The following GRIP1 variants were observed in gnomAD, a reference collection of about 807,000 sequenced individuals.
The protein encoded by GRIP1 is glutamate receptor interacting protein 1.
GRIP1 carries 45 observed loss-of-function variants against 129.9 expected under a neutral mutation model. The ratio of observed to expected loss-of-function variants is 0.35; its 90% CI spans 0.27 to 0.44. The LOEUF is 0.44. GRIP1 is among the 20% of genes least tolerant of loss of function. GRIP1 has a pLI of 1.00. For synonymous variants in GRIP1, 530 were observed against 520.8 expected (o/e 1.02, Z -0.24); for missense variants, 1,196 against 1,396.8 (o/e 0.86, Z 2.29).
intron 1 of GRIP1, among the ~76,000 whole-genome samples, chr12:66,843,547 C>T (rs1364438826): frequency 1.3e-5 from 2 of 152,084 alleles, no homozygotes; most frequent in Non-Finnish European, 1.5e-5. Flanking sequence ...CTCACACTTT[C>T]CAGTTTCAAA....
At chr12:67,043,340 A>G (rs1565652813) in intron 1 of GRIP1, among the ~76,000 whole-genome samples, 1 of 152,186 alleles carries the variant, frequency 6.6e-6, no homozygotes, top group Non-Finnish European at 1.5e-5. Flanking sequence ...CTTGGGAAGG[A>G]TCTGAAAGTC....
chr12:66,616,494 G>GT (rs1468028718), intron 1 of GRIP1, among the ~76,000 whole-genome samples: 4 of 152,056 alleles, frequency 2.6e-5, no homozygotes, highest in African/African-American at 9.7e-5. Flanking sequence ...GCAAATAATG[G>GT]TAACAGTCTA....
chr12:66,911,582 C>A (rs971496981), intron 1 of GRIP1, among the ~76,000 whole-genome samples: 17 of 152,036 alleles, frequency 1.1e-4, no homozygotes, highest in African/African-American at 4.1e-4. Flanking sequence ...TATGTGAGAG[C>A]TTTATTTGGG....
intron 1 of GRIP1, among the ~76,000 whole-genome samples, chr12:66,649,513 T>C (rs1592699933): frequency 6.6e-6 from 1 of 152,210 alleles, no homozygotes; most frequent in Admixed American, 6.5e-5. Flanking sequence ...GAGCACCGTA[T>C]AGGGATACAA....
chr12:66,686,417 C>T (rs1420418610), intron 1 of GRIP1, among the ~76,000 whole-genome samples: 1 of 152,210 alleles, frequency 6.6e-6, no homozygotes, highest in Non-Finnish European at 1.5e-5. Context: ...TCTGGTCTAA[C>T]ATGCATAATT....
intron 1 of GRIP1, among the ~76,000 whole-genome samples, chr12:67,030,628 G>A (rs1197839751): frequency 6.6e-6 from 1 of 152,108 alleles, no homozygotes; most frequent in Non-Finnish European, 1.5e-5. Context: ...TAAGCCTCAG[G>A]TTTCACCAAA....
At chr12:66,704,961 T>C (rs1298950900) in intron 1 of GRIP1, among the ~76,000 whole-genome samples, 1 of 152,034 alleles carries the variant, frequency 6.6e-6, no homozygotes, top group Non-Finnish European at 1.5e-5. Context: ...TGACAATAGT[T>C]TGTCTTTCTC....
intron 7 of GRIP1, among the ~76,000 whole-genome samples, chr12:66,488,895 C>T (rs941541020): frequency 1.3e-5 from 2 of 152,086 alleles, no homozygotes; most frequent in African/African-American, 4.8e-5. Context: ...TTCCTGGATG[C>T]ATACACCCTA....
At chr12:66,449,823 T>TA (rs1240269854) in intron 11 of GRIP1, among the ~76,000 whole-genome samples, 1 of 152,232 alleles carries the variant, frequency 6.6e-6, no homozygotes, top group Non-Finnish European at 1.5e-5. Context: ...AACTTCCACT[T>TA]ATCTTCTAGG....
Position 66,353,302 on chromosome 12 carries a change from A to T in GRIP1, c.3159+115T>A, listed in dbSNP as rs190117808. ...TGCTTCTACTGATTCCATAATCTTG[A>T]TGACAAAGGCTGAAAGGGAAAAGAG... On this transcript the variant is annotated intron_variant, in intron 24 of 24. Coordinates refer to ENST00000359742, the MANE Select transcript of GRIP1 (RefSeq NM_001366722.1). The T allele has an allele frequency of 7.3e-4, 589 of 802,588 alleles. 4 individuals carry two copies. The highest frequency in any genetic ancestry group is 6.3e-3 in the Middle Eastern group (23 of 3,626). 49.7% of individuals were successfully genotyped at this position (802,588 alleles called of 1,614,324 possible).
chr12:66,467,891 A>T (rs1428221587), intron 7 of GRIP1, among the ~76,000 whole-genome samples: 1 of 152,212 alleles, frequency 6.6e-6, no homozygotes, highest in Non-Finnish European at 1.5e-5. Flanking sequence ...GTGGGGTGAC[A>T]ATCACTTATG....
At chr12:66,840,155 T>C (rs2039689655) in intron 1 of GRIP1, among the ~76,000 whole-genome samples, 1 of 152,108 alleles carries the variant, frequency 6.6e-6, no homozygotes, top group Admixed American at 6.6e-5. Flanking sequence ...AGATAAAATG[T>C]CCCATCAACA....
chr12:66,682,894 T>C (rs2034639639), upstream of GRIP1, among the ~76,000 whole-genome samples: 2 of 152,224 alleles, frequency 1.3e-5, no homozygotes, highest in South Asian at 2.1e-4. Flanking sequence ...TTACAAAATA[T>C]ACCTGATAGA....
At position 66,353,670 on chromosome 12, in the gene GRIP1, T is replaced by G. The variant is rs578012033; in HGVS notation, c.3013-107A>C. 5.0e-6 allele frequency: 5 copies of G among 992,046 alleles called. No homozygotes were observed. In the Admixed American group the frequency reaches 8.5e-5, roughly 17 times the overall value. 61.5% of individuals were successfully genotyped at this position (992,046 alleles called of 1,614,324 possible). A position where few individuals can be genotyped will look rare whatever the true frequency, so the allele number is the denominator to read the frequency against. ...ACACGAATTTAGTCACATCATGATT[T>G]GTAATATCAGCATCAGTCAGCTCCC... is the stretch of plus-strand genomic sequence containing the variant. On this transcript the variant is annotated intron_variant, in intron 23 of 24. Transcript: ENST00000359742.
intron 1 of GRIP1, among the ~76,000 whole-genome samples, chr12:66,823,526 CCTT>C (rs919382915): frequency 1.3e-4 from 20 of 152,080 alleles, no homozygotes; most frequent in African/African-American, 4.6e-4. Flanking sequence ...TCATCTTTCT[CCTT>C]CATCAGTATT....
intron 13 of GRIP1, among the ~76,000 whole-genome samples, chr12:66,440,604 A>T (rs923831793): frequency 2.6e-5 from 4 of 152,196 alleles, no homozygotes; most frequent in Non-Finnish European, 5.9e-5. Flanking sequence ...CTACAAATTC[A>T]TAAGAGGTCT....
At chr12:66,592,852 CA>C (rs1213875074) in intron 2 of GRIP1, among the ~76,000 whole-genome samples, 1 of 152,168 alleles carries the variant, frequency 6.6e-6, no homozygotes, top group East Asian at 1.9e-4. Flanking sequence ...AGTAATCTGT[CA>C]AATACAGGAG....
At chr12:66,676,448 T>C (rs1447849235) in intron 1 of GRIP1, among the ~76,000 whole-genome samples, 1 of 152,132 alleles carries the variant, frequency 6.6e-6, no homozygotes, top group Non-Finnish European at 1.5e-5. Flanking sequence ...CCTGCTAAGA[T>C]CTGGGTAAGG....
At chr12:66,415,989 T>C (rs185480067) in intron 15 of GRIP1, among the ~76,000 whole-genome samples, 71 of 152,142 alleles carry the variant, frequency 4.7e-4, no homozygotes, top group Admixed American at 1.6e-3. Context: ...ACCTAGATGA[T>C]AGGTTGATCT....
Sources: allele counts gnomAD v4.1 joint callset (sites outside exome capture counted in the v4.1 genomes callset), GRCh38; gene constraint gnomAD v4.1.1; transcripts MANE v1.5; gene names NCBI Gene and HGNC (gene_info 2026-07-23, HGNC 2026-07-21).